Variants in SETBP1 observed in about 807,000 individuals in gnomAD.
The protein encoded by SETBP1 is SET-binding protein.
A neutral mutation model predicts 101.0 loss-of-function variants in SETBP1; 9 were observed. That is an observed-to-expected ratio of 0.09 (90% CI 0.05 to 0.16). The LOEUF (loss-of-function observed/expected upper bound fraction) is 0.16, where lower values mean the gene tolerates loss of function less well. SETBP1 is among the 10% of genes least tolerant of loss of function. The pLI, the probability that SETBP1 is intolerant of heterozygous loss-of-function variation, is 1.00. For missense variants in SETBP1, 1,858 were observed against 2,033.8 expected (o/e 0.91, Z 1.66); for synonymous variants, 818 against 788.5 (o/e 1.04, Z -0.63).
chr18:44,714,306 C>T (rs1329490006), intron 2 of SETBP1, among the ~76,000 whole-genome samples: 1 of 152,078 alleles, frequency 6.6e-6, no homozygotes, highest in African/African-American at 2.4e-5. Flanking sequence ...TCAAGTGATT[C>T]TCCTGCCTCA....
chr18:44,849,511 A>C (rs967773947), intron 2 of SETBP1, among the ~76,000 whole-genome samples: 10 of 152,162 alleles, frequency 6.6e-5, no homozygotes, highest in Admixed American at 6.5e-4. Flanking sequence ...CCTATTTGGC[A>C]GGGCACTGAA....
chr18:44,788,819 A>G (rs1224808260), intron 2 of SETBP1, among the ~76,000 whole-genome samples: 1 of 108,320 alleles, frequency 9.2e-6, no homozygotes, highest in East Asian at 2.6e-4. Flanking sequence ...TTTTTTGGAG[A>G]CAGGATCTCA....
At chr18:45,020,258 TAA>T (rs57134217) in intron 4 of SETBP1, among the ~76,000 whole-genome samples, 78 of 53,056 alleles carry the variant, frequency 1.5e-3, no homozygotes, top group African/African-American at 3.8e-3. Context: ...GACTCTGTCT[TAA>T]AAAAAAAAAA....
intron 3 of SETBP1, among the ~76,000 whole-genome samples, chr18:44,922,388 T>A (rs1486640011): frequency 6.6e-6 from 1 of 152,200 alleles, no homozygotes; most frequent in African/African-American, 2.4e-5. Context: ...AAACGGATGG[T>A]CTTTCTAATA....
chr18:44,752,265 T>G (rs989634766), intron 2 of SETBP1, among the ~76,000 whole-genome samples: 1 of 152,226 alleles, frequency 6.6e-6, no homozygotes, highest in African/African-American at 2.4e-5. Flanking sequence ...CCAGTGGTTC[T>G]TGAATGATTG....
rs147096007 is a variant in SETBP1, at chr18:45,041,773, C to T, written c.4171+3118C>T. ...GGTCAGGAGTACAAAACCAGCCTGGCCAACATGGTGAAACCTCTACTAAAA... is the reference window on the plus strand; with the variant it reads ...GGTCAGGAGTACAAAACCAGCCTGGTCAACATGGTGAAACCTCTACTAAAA... On this transcript the variant is annotated intron_variant, in intron 5 of 5. Transcript: ENST00000649279. Among the ~76,000 whole-genome samples, 822 of 152,024 alleles carry T rather than the reference C, an allele frequency of 5.4e-3. 13 individuals are homozygous for T. The highest frequency in any genetic ancestry group is 0.019 in the African/African-American group (797 of 41,460).
intron 3 of SETBP1, among the ~76,000 whole-genome samples, chr18:44,928,629 G>T (rs1445174391): frequency 1.3e-5 from 2 of 152,172 alleles, no homozygotes; most frequent in Non-Finnish European, 2.9e-5. Context: ...ATTCTAACTG[G>T]TGTGAGATGG....
rs567023139 is a variant in SETBP1, at chr18:44,893,603, T to G, written c.540+24320T>G. On this transcript the variant is annotated intron_variant, in intron 3 of 5. Transcript: ENST00000649279. The stretch of plus-strand genomic sequence containing the variant: ...GCCTTCCTGAAGTGGTAACAAGTCT[T>G]TCATTTTTGAACTTTATATAAGCTG... Among the ~76,000 whole-genome samples, 12 of 152,286 alleles carry G rather than the reference T, an allele frequency of 7.9e-5. No homozygotes were observed. The South Asian group carries it at 2.5e-3, about 32-fold the overall frequency.
intron 4 of SETBP1, among the ~76,000 whole-genome samples, chr18:44,972,044 A>C (rs941868197): frequency 1.3e-5 from 2 of 152,184 alleles, no homozygotes; most frequent in Non-Finnish European, 2.9e-5. Flanking sequence ...TCTTGAATTA[A>C]TTTTTGTATA....
chr18:45,005,936 G>A (rs978300306), intron 4 of SETBP1, among the ~76,000 whole-genome samples: 4 of 131,886 alleles, frequency 3.0e-5, no homozygotes, highest in African/African-American at 1.2e-4. Flanking sequence ...GTGAGCCACT[G>A]CACCCGGCCT....
chr18:45,055,581 TA>T (rs2073795475), intron 5 of SETBP1, among the ~76,000 whole-genome samples: 2 of 152,200 alleles, frequency 1.3e-5, no homozygotes, highest in Non-Finnish European at 2.9e-5. Flanking sequence ...GCACTTGTGA[TA>T]AGTAATTTAA....
chr18:44,802,956 G>A (rs976373391), intron 2 of SETBP1, among the ~76,000 whole-genome samples: 1 of 152,120 alleles, frequency 6.6e-6, no homozygotes, highest in African/African-American at 2.4e-5. Context: ...GAGGAAACCT[G>A]TAGGTATTTC....
chr18:44,991,563 A>C (rs1029075595), intron 4 of SETBP1, among the ~76,000 whole-genome samples: 7 of 152,276 alleles, frequency 4.6e-5, no homozygotes, highest in African/African-American at 1.7e-4. Context: ...AGCACAGCTG[A>C]AATGATAGAA....
chr18:44,753,776 G>C (rs1393445975), intron 2 of SETBP1, among the ~76,000 whole-genome samples: 1 of 152,210 alleles, frequency 6.6e-6, no homozygotes, highest in African/African-American at 2.4e-5. Flanking sequence ...ACCAGTGACA[G>C]CAGGGTGAGG....
rs183809795 is a variant in SETBP1, at chr18:44,790,889, C to T, written c.487-78341C>T. 1.5e-4 allele frequency among the ~76,000 whole-genome samples: 23 copies of T among 152,208 alleles called. 1 individual carries two copies. The highest frequency in any genetic ancestry group is 3.9e-4 in the African/African-American group (16 of 41,534). ...ATTCCTTAAAAGAGTCCACCCTGAA[C>T]GAACACAAAACCTAGATAAACTATG... On this transcript the variant is annotated intron_variant, in intron 2 of 5. Transcript: ENST00000649279.
intron 2 of SETBP1, among the ~76,000 whole-genome samples, chr18:44,810,236 G>C (rs1038725751): frequency 6.6e-6 from 1 of 152,184 alleles, no homozygotes; most frequent in Non-Finnish European, 1.5e-5. Flanking sequence ...CAAGATTTGA[G>C]AATCGATAGT....
Position 44,952,363 on chromosome 18 carries a change from G to T in SETBP1, c.3023G>T (p.Arg1008Leu). Residue 1008 changes from arginine to leucine, a missense_variant, in exon 4 of 6, where the codon CGT (arginine) becomes CTT (leucine). This residue lies in a region of SETBP1 where 255 missense variants were observed against 300.1 expected (regional missense o/e 0.85). Coordinates refer to ENST00000649279, the MANE Select transcript of SETBP1 (RefSeq NM_015559.3). The stretch of plus-strand genomic sequence containing the variant: ...CAGTATGACCCGTTGCTCTATCTTC[G>T]TAGGACTTCAGACTTGAAGTCAAAG... The part of the protein sequence containing the change: ...YIQYDPLLYL[R>L]RTSDLKSKKK... The T allele has an allele frequency of 2.5e-6, 4 of 1,613,926 alleles. No homozygotes were observed. The highest frequency in any genetic ancestry group is 3.4e-6 in the Non-Finnish European group (4 of 1,179,998).
chr18:44,904,595 CA>C (rs2070129292), intron 3 of SETBP1, among the ~76,000 whole-genome samples: 1 of 152,242 alleles, frequency 6.6e-6, no homozygotes, highest in Admixed American at 6.5e-5. Context: ...TTACAGAGCA[CA>C]GGTTGTAATG....
At chr18:45,028,971 C>G (rs918238816) in intron 4 of SETBP1, among the ~76,000 whole-genome samples, 4 of 152,170 alleles carry the variant, frequency 2.6e-5, no homozygotes, top group African/African-American at 9.7e-5. Context: ...TGCCTGTTCA[C>G]TCTGCTAGTA....
Sources: gnomAD v4.1 joint callset for allele counts (sites outside exome capture counted in the v4.1 genomes callset) on GRCh38, gnomAD v4.1.1 for gene constraint, gnomAD v4.1.1 regional missense constraint, MANE v1.5 for transcripts, NCBI Gene and HGNC (gene_info 2026-07-23, HGNC 2026-07-21) for gene names.